Variants in GRM7 observed in about 807,000 individuals in gnomAD.
GRM7 encodes metabotropic glutamate receptor 7.
A neutral mutation model predicts 84.5 loss-of-function variants in GRM7; 35 were observed. That is an observed-to-expected ratio of 0.41 (90% CI 0.32 to 0.55). The LOEUF (loss-of-function observed/expected upper bound fraction) is 0.55, where lower values mean the gene tolerates loss of function less well. Ranked by LOEUF, GRM7 falls within the 20% of genes least tolerant of loss-of-function variation. GRM7 has a pLI of 0.19. For synonymous variants in GRM7, 487 were observed against 455.1 expected (o/e 1.07, Z -0.89); for missense variants, 1,003 against 1,194.6 (o/e 0.84, Z 2.36).
intron 1 of GRM7, among the ~76,000 whole-genome samples, chr3:6,979,776 T>A (rs76220207): frequency 0.021 from 3,248 of 152,284 alleles, 118 homozygotes; most frequent in African/African-American, 0.074. Context: ...TAATTGCAAA[T>A]CTGCAATCAC....
chr3:6,933,743 A>AC (rs1349326389), intron 1 of GRM7, among the ~76,000 whole-genome samples: 5 of 146,596 alleles, frequency 3.4e-5, no homozygotes, highest in African/African-American at 1.2e-4. Flanking sequence ...AATTAAAAAA[A>AC]AAAACAAAAC....
chr3:7,139,327 C>A (rs1693871571), intron 1 of GRM7, among the ~76,000 whole-genome samples: 1 of 151,534 alleles, frequency 6.6e-6, no homozygotes, highest in Non-Finnish European at 1.5e-5. Flanking sequence ...TCTAGCATAA[C>A]ACAGCAACAC....
At chr3:7,343,130 G>A (rs185413712) in intron 4 of GRM7, among the ~76,000 whole-genome samples, 1 of 152,276 alleles carries the variant, frequency 6.6e-6, no homozygotes, top group East Asian at 1.9e-4. Context: ...TCAACACCCA[G>A]ACGTAGAATA....
intron 1 of GRM7, among the ~76,000 whole-genome samples, chr3:7,031,542 G>T (rs184495510): frequency 6.6e-6 from 1 of 151,618 alleles, no homozygotes; most frequent in Non-Finnish European, 1.5e-5. Flanking sequence ...CCAGCCTCCC[G>T]AGTAGCTGGG....
At chr3:7,248,771 G>A (rs576039040) in intron 2 of GRM7, among the ~76,000 whole-genome samples, 7 of 152,044 alleles carry the variant, frequency 4.6e-5, no homozygotes, top group South Asian at 4.2e-4. Context: ...CAGATATGCC[G>A]CTTGCAAATC....
chr3:7,367,945 A>G (rs1197509292), intron 4 of GRM7, among the ~76,000 whole-genome samples: 1 of 119,234 alleles, frequency 8.4e-6, no homozygotes, highest in Non-Finnish European at 1.7e-5. Context: ...CCTCAAAAAA[A>G]AAAAAAAAGA....
intron 1 of GRM7, among the ~76,000 whole-genome samples, chr3:7,030,148 G>T (rs1696137475): frequency 6.6e-6 from 1 of 152,042 alleles, no homozygotes; most frequent in Non-Finnish European, 1.5e-5. Flanking sequence ...CAACTTTGAG[G>T]AATATTAAGA....
intron 9 of GRM7, among the ~76,000 whole-genome samples, chr3:7,729,797 C>CT (rs891127533): frequency 1.3e-5 from 2 of 151,112 alleles, no homozygotes; most frequent in African/African-American, 4.9e-5. Flanking sequence ...CCTCCGCCTC[C>CT]TGGGTTCAAG....
chr3:7,341,544 A>C (rs1183159521), intron 4 of GRM7, among the ~76,000 whole-genome samples: 1 of 152,122 alleles, frequency 6.6e-6, no homozygotes, highest in South Asian at 2.1e-4. Flanking sequence ...CTCTCTTACA[A>C]GAGCTTGCAG....
chr3:7,663,856 A>G (rs60659367), intron 8 of GRM7, among the ~76,000 whole-genome samples: 71 of 152,324 alleles, frequency 4.7e-4, no homozygotes, highest in African/African-American at 1.6e-3. Context: ...ATTAAGTGAA[A>G]GAGGAAACTA....
chr3:7,725,588 G>A (rs1702095568), intron 9 of GRM7, among the ~76,000 whole-genome samples: 1 of 152,188 alleles, frequency 6.6e-6, no homozygotes, highest in Admixed American at 6.5e-5. Flanking sequence ...AGGGCATGGT[G>A]TTTACATTTT....
chr3:7,360,459 A>T (rs1300798750), intron 4 of GRM7, among the ~76,000 whole-genome samples: 1 of 152,146 alleles, frequency 6.6e-6, no homozygotes, highest in Non-Finnish European at 1.5e-5. Flanking sequence ...GGGTTACCAT[A>T]ACAATTAAGA....
At chr3:7,043,826 C>A (rs1046740659) in intron 1 of GRM7, among the ~76,000 whole-genome samples, 2 of 152,150 alleles carry the variant, frequency 1.3e-5, no homozygotes, top group African/African-American at 4.8e-5. Context: ...AATTCAAATA[C>A]AAGCCTTGAC....
intron 8 of GRM7, among the ~76,000 whole-genome samples, chr3:7,630,592 G>A (rs896473683): frequency 5.3e-5 from 8 of 152,204 alleles, no homozygotes; most frequent in Non-Finnish European, 7.3e-5. Context: ...GGGAAGACAG[G>A]TTTGGCTTGT....
At chr3:7,629,157 A>G (rs1473365681) in intron 8 of GRM7, among the ~76,000 whole-genome samples, 2 of 152,174 alleles carry the variant, frequency 1.3e-5, no homozygotes, top group Non-Finnish European at 2.9e-5. Context: ...ATCATTTAAT[A>G]TTGGGTTTTC....
intron 1 of GRM7, among the ~76,000 whole-genome samples, chr3:7,016,427 G>A (rs1385022916): frequency 1.3e-5 from 2 of 152,136 alleles, no homozygotes; most frequent in Admixed American, 1.3e-4. Flanking sequence ...ATGTAGCTGC[G>A]TGCAGGGGAA....
chr3:7,512,315 A>G (rs141628017), intron 7 of GRM7, among the ~76,000 whole-genome samples: 15 of 152,244 alleles, frequency 9.9e-5, no homozygotes, highest in African/African-American at 3.6e-4. Context: ...AAAGATGAAA[A>G]TTCAGTTATT....
Position 6,862,157 on chromosome 3 carries a change from A to G in GRM7, c.519+250A>G, listed in dbSNP as rs909374997. On this transcript the variant is annotated intron_variant, in intron 1 of 9. Transcript: ENST00000357716. The surrounding 1 kb of genome is among the most constrained non-coding windows in gnomAD (Gnocchi z 5.2). ...CATCTGGATTTATGGCCCCATTTAC[A>G]AGAAGCAATCTGCGAAAAACAAGGC... Among the ~76,000 whole-genome samples, 1 of 152,098 alleles carries G rather than the reference A, an allele frequency of 6.6e-6. No homozygotes were observed. The highest frequency in any genetic ancestry group is 1.5e-5 in the Non-Finnish European group (1 of 68,028).
chr3:7,653,969 C>A (rs2125116934), intron 8 of GRM7, among the ~76,000 whole-genome samples: 1 of 152,288 alleles, frequency 6.6e-6, no homozygotes, highest in South Asian at 2.1e-4. Flanking sequence ...TCCCTTGCCC[C>A]CTTCCTTAAA....
Sources: gnomAD v4.1 joint callset for allele counts (sites outside exome capture counted in the v4.1 genomes callset) on GRCh38, gnomAD v4.1.1 for gene constraint, Gnocchi (gnomAD v3.1) non-coding constraint, MANE v1.5 for transcripts, NCBI Gene and HGNC (gene_info 2026-07-23, HGNC 2026-07-21) for gene names.